NIPAL2: variants seen among roughly 807,000 people sequenced by gnomAD.
NIPAL2 encodes the protein NIPA like domain containing 2, also known as NIPA-like protein 2.
A neutral mutation model predicts 48.9 loss-of-function variants in NIPAL2; 43 were observed. That is an observed-to-expected ratio of 0.88 (90% CI 0.69 to 1.13). The LOEUF (loss-of-function observed/expected upper bound fraction) is 1.13. Among genes scored for constraint, NIPAL2 ranks in the 50% most tolerant of loss-of-function variants. The probability of loss-of-function intolerance (pLI) is 0.00; values close to 1 mark genes in which losing one functional copy is unlikely to be tolerated. For synonymous variants in NIPAL2, 167 were observed against 174.6 expected, an observed-to-expected ratio of 0.96 and a Z score of 0.34; for missense variants, 446 against 461.4, an observed-to-expected ratio of 0.97 and a Z score of 0.31.
At chr8:98,286,634 C>T (rs1218715430) in intron 1 of NIPAL2, among the ~76,000 whole-genome samples, 5 of 151,884 alleles carry the variant, frequency 3.3e-5, no homozygotes, top group African/African-American at 1.2e-4. Context: ...CATGGTGAAA[C>T]CCTGTCTCTA....
rs537893661 is a variant in NIPAL2 at position 98,221,440 on chromosome 8, A to G, written c.558+1039T>C. Among the ~76,000 whole-genome samples the G allele has an allele frequency of 1.1e-4, 16 of 152,112 alleles. No individual in the cohort carries two copies. The South Asian group carries it at 3.1e-3, about 30-fold the overall frequency. On this transcript the variant is annotated intron_variant, in intron 5 of 10. Coordinates refer to ENST00000430223, the MANE Select transcript of NIPAL2 (RefSeq NM_001321635.2). ...GATATAAAATTTAAAATATAATAAA[A>G]GAGAAAAATATACAAGTTTAAATAT...
chr8:98,221,032 A>G (rs1405023840), intron 5 of NIPAL2, among the ~76,000 whole-genome samples: 11 of 133,176 alleles, frequency 8.3e-5, no homozygotes, highest in Non-Finnish European at 1.4e-4. Context: ...CTGGAGTGCA[A>G]TGGCACAATC....
intron 3 of NIPAL2, among the ~76,000 whole-genome samples, chr8:98,236,851 CAAAAAAAAA>C (rs34210829): frequency 0.099 from 6,669 of 67,194 alleles, 596 homozygotes; most frequent in African/African-American, 0.31. Context: ...GATCCTGTCT[CAAAAAAAAA>C]AAAAAAAAAA....
intron 3 of NIPAL2, among the ~76,000 whole-genome samples, chr8:98,241,776 A>T (rs1812991336): frequency 6.6e-6 from 1 of 152,208 alleles, no homozygotes; most frequent in Admixed American, 6.5e-5. Flanking sequence ...ATATATACAC[A>T]ATAAGGGTGG....
intron 4 of NIPAL2, among the ~76,000 whole-genome samples, chr8:98,225,723 T>C (rs1441700190): frequency 6.6e-6 from 1 of 152,316 alleles, no homozygotes; most frequent in East Asian, 1.9e-4. Context: ...AACCTTCTTG[T>C]ACCTTCTTGT....
chr8:98,281,003 C>T (rs1020199788), intron 1 of NIPAL2, among the ~76,000 whole-genome samples: 24 of 150,998 alleles, frequency 1.6e-4, no homozygotes, highest in Non-Finnish European at 2.8e-4. Context: ...GAGATGATAA[C>T]AAGAGAAGAA....
chr8:98,277,696 C>T (rs1047560395), intron 1 of NIPAL2, among the ~76,000 whole-genome samples: 6 of 152,148 alleles, frequency 3.9e-5, no homozygotes, highest in African/African-American at 1.4e-4. Context: ...TATAAATGGA[C>T]TCATATAGTA....
At chr8:98,208,629 A>G (rs560675382) in intron 6 of NIPAL2, among the ~76,000 whole-genome samples, 1 of 152,158 alleles carries the variant, frequency 6.6e-6, no homozygotes, top group African/African-American at 2.4e-5. Context: ...TTGTATTTTT[A>G]GTAGAGCTGG....
chr8:98,242,633 C>T (rs982968145), intron 3 of NIPAL2, among the ~76,000 whole-genome samples: 19 of 151,882 alleles, frequency 1.3e-4, no homozygotes, highest in Non-Finnish European at 2.5e-4. Context: ...CTATAGGAGC[C>T]CACCACTATG....
At chr8:98,239,796 A>G (rs1157845656) in intron 3 of NIPAL2, among the ~76,000 whole-genome samples, 4 of 152,230 alleles carry the variant, frequency 2.6e-5, no homozygotes, top group Admixed American at 2.6e-4. Context: ...CAACTCATTT[A>G]TCTTGCAAAT....
At chr8:98,278,536 A>C (rs1456278014) in intron 1 of NIPAL2, among the ~76,000 whole-genome samples, 1 of 152,142 alleles carries the variant, frequency 6.6e-6, no homozygotes, top group Admixed American at 6.5e-5. Context: ...TCCATCTTCC[A>C]GTTTACCTTT....
Position 98,193,081 on chromosome 8 carries a change from A to G in NIPAL2, c.1049T>C (p.Met350Thr). Residue 350 changes from methionine (M) to threonine (T), a missense_variant, in exon 11 of 11, where the codon ATG (methionine) becomes ACG (threonine). Transcript: ENST00000430223. Reference protein sequence around the residue: ...IDFGNIPGKQMLDKIQPDSHS... With the variant: ...IDFGNIPGKQTLDKIQPDSHS... ...TGAATCTGGTTGTATTTTGTCCAACATTTGTTTCCCTGTGGAGATAATAAT... is the reference window on the plus strand; with the variant it reads ...TGAATCTGGTTGTATTTTGTCCAACGTTTGTTTCCCTGTGGAGATAATAAT... 6.2e-7 allele frequency: 1 copy of G among 1,612,332 alleles called. No homozygotes were observed. The highest frequency in any genetic ancestry group is 8.5e-7 in the Non-Finnish European group (1 of 1,178,418).
chr8:98,223,853 C>T (rs1812023113), intron 4 of NIPAL2, among the ~76,000 whole-genome samples: 1 of 152,128 alleles, frequency 6.6e-6, no homozygotes, highest in Non-Finnish European at 1.5e-5. Flanking sequence ...CATTATTAAA[C>T]ACTAAATAAT....
chr8:98,226,757 CACTGCCTGGCT>C (rs1812198136), intron 4 of NIPAL2, among the ~76,000 whole-genome samples: 1 of 152,134 alleles, frequency 6.6e-6, no homozygotes, highest in African/African-American at 2.4e-5. Context: ...CTGCTGTATC[CACTGCCTGGCT>C]ACTGCCTATG....
chr8:98,288,502 C>T (rs546544721), intron 1 of NIPAL2, among the ~76,000 whole-genome samples: 294 of 151,836 alleles, frequency 1.9e-3, no homozygotes, highest in African/African-American at 6.2e-3. Context: ...AATAAACATA[C>T]GTGTGCATGT....
intron 8 of NIPAL2, among the ~76,000 whole-genome samples, chr8:98,200,978 T>C (rs888444655): frequency 6.6e-6 from 1 of 152,254 alleles, no homozygotes; most frequent in African/African-American, 2.4e-5. Flanking sequence ...TTTGGGTTTT[T>C]GTTGTTGACT....
intron 5 of NIPAL2, among the ~76,000 whole-genome samples, chr8:98,221,968 T>C (rs1451116660): frequency 6.6e-6 from 1 of 152,124 alleles, no homozygotes; most frequent in Non-Finnish European, 1.5e-5. Flanking sequence ...CATTCTACTA[T>C]AAAGACACAT....
Position 98,220,889 on chromosome 8 carries a change from C to G in NIPAL2, c.558+1590G>C, listed in dbSNP as rs138036134. Among the ~76,000 whole-genome samples, 203 of 151,304 alleles carry G rather than the reference C, an allele frequency of 1.3e-3. 1 individual carries two copies. The highest frequency in any genetic ancestry group is 4.8e-3 in the African/African-American group (197 of 41,182). On this transcript the variant is annotated intron_variant, in intron 5 of 10. Coordinates refer to ENST00000430223, the MANE Select transcript of NIPAL2 (RefSeq NM_001321635.2). ...CTTTCGATCATATTCTTTTTTATAC[C>G]TACAGATACAGCCACTGCATCAAAC...
chr8:98,249,945 C>T (rs1043886755), intron 3 of NIPAL2, among the ~76,000 whole-genome samples: 8 of 151,786 alleles, frequency 5.3e-5, no homozygotes, highest in South Asian at 2.1e-4. Flanking sequence ...CATGTTTACC[C>T]GCACAGTCTC....
Sources: gnomAD v4.1 joint callset for allele counts (sites outside exome capture counted in the v4.1 genomes callset) on GRCh38, gnomAD v4.1.1 for gene constraint, MANE v1.5 for transcripts, NCBI Gene and HGNC (gene_info 2026-07-23, HGNC 2026-07-21) for gene names.